Variants in IFT80 observed in about 807,000 individuals in gnomAD.
IFT80 encodes the protein intraflagellar transport 80, also known as intraflagellar transport protein 80 homolog.
IFT80 carries 79 observed loss-of-function variants against 107.9 expected under a neutral mutation model. The ratio of observed to expected loss-of-function variants is 0.73; its 90% CI spans 0.61 to 0.88. IFT80 has a LOEUF of 0.88. IFT80 is among the 40% of genes least tolerant of loss of function. The pLI is 0.00. For synonymous variants in IFT80, 299 were observed against 300.9 expected (o/e 0.99, Z 0.07); for missense variants, 797 against 914.2 (o/e 0.87, Z 1.65).
At chr3:160,383,918 T>G in intron 2 of IFT80, 3 of 985,370 alleles carry the variant, frequency 3.0e-6, no homozygotes, top group Non-Finnish European at 3.6e-6. Flanking sequence ...ACATGCTAGA[T>G]CACACTAGCA....
chr3:160,310,839 A>T (rs1717187327), intron 9 of IFT80, among the ~76,000 whole-genome samples: 1 of 152,198 alleles, frequency 6.6e-6, no homozygotes, highest in Non-Finnish European at 1.5e-5. Context: ...AAATGAACAT[A>T]TTAATTGTAA....
chr3:160,375,841 C>A lies in IFT80; in HGVS notation c.410G>T (p.Gly137Val). Residue 137 changes from glycine (G) to valine (V), a missense_variant, in exon 5 of 20, where the codon GGG (glycine) becomes GTG (valine). Coordinates refer to ENST00000326448, the MANE Select transcript of IFT80 (RefSeq NM_020800.3). ...DGQIKIWSKT[G>V]MLRSTLAQQG... The stretch of plus-strand genomic sequence containing the variant: ...CTGAGCTAAAGTTGATCTAAGCATC[C>A]CAGTCTTTGACCAAATTTTTATTTG... 2 of 1,611,926 alleles carry A rather than the reference C, an allele frequency of 1.2e-6. No homozygotes were observed. The highest frequency in any genetic ancestry group is 1.7e-6 in the Non-Finnish European group (2 of 1,178,646).
chr3:160,327,963 A>G (rs928318872), intron 8 of IFT80, among the ~76,000 whole-genome samples: 2 of 152,234 alleles, frequency 1.3e-5, no homozygotes, highest in Non-Finnish European at 2.9e-5. Context: ...AATATACAGC[A>G]TCTATTAGGA....
chr3:160,272,737 T>C lies in IFT80; in HGVS notation c.2100-4201A>G, dbSNP rs77683841. ...GGCTTTCCCCTCAATGTCTAGGATC[T>C]CTCATGAACATTAAACTTGTATATC... On this transcript the variant is annotated intron_variant, in intron 18 of 19. Transcript: ENST00000326448. Among the ~76,000 whole-genome samples, 879 of 152,280 alleles carry C rather than the reference T, an allele frequency of 5.8e-3. 13 individuals carry two copies. Among genetic ancestry groups the C allele is most frequent in the Middle Eastern group, 0.017 (5 of 294 alleles).
intron 8 of IFT80, chr3:160,320,163 A>C: frequency 4.3e-6 from 2 of 464,706 alleles, no homozygotes; most frequent in East Asian, 3.5e-5. Context: ...GAAATATCTC[A>C]AGAACTGTAA....
At chr3:160,345,782 A>C (rs1245910134) in intron 8 of IFT80, among the ~76,000 whole-genome samples, 1 of 151,886 alleles carries the variant, frequency 6.6e-6, no homozygotes, top group African/African-American at 2.4e-5. Context: ...GGGAATAGTT[A>C]ATAGGTATTT....
At chr3:160,319,045 T>C (rs1307963259) in intron 9 of IFT80, among the ~76,000 whole-genome samples, 1 of 152,076 alleles carries the variant, frequency 6.6e-6, no homozygotes, top group African/African-American at 2.4e-5. Flanking sequence ...TTTTGCCCTA[T>C]TGTGTATCGC....
intron 6 of IFT80, among the ~76,000 whole-genome samples, chr3:160,358,371 T>G (rs1326656963): frequency 6.6e-6 from 1 of 151,992 alleles, no homozygotes; most frequent in Non-Finnish European, 1.5e-5. Flanking sequence ...CCTCTTCATT[T>G]CATTCTGTTC....
At chr3:160,375,774 T>C in intron 5 of IFT80, 38 bp downstream of exon 5, 1 of 1,423,722 alleles carries the variant, frequency 7.0e-7, no homozygotes, top group Non-Finnish European at 9.9e-7. Context: ...TTGTATTGTA[T>C]AATTTGCAAA....
chr3:160,295,385 G>A (rs866585847), intron 12 of IFT80, among the ~76,000 whole-genome samples: 4 of 152,178 alleles, frequency 2.6e-5, no homozygotes, highest in Middle Eastern at 3.4e-3. Flanking sequence ...TGGGAGGATC[G>A]CTTAAACTCA....
Position 160,267,737 on chromosome 3 carries a change from T to C in IFT80, c.2223+676A>G, listed in dbSNP as rs75408247. 7.5e-3 allele frequency among the ~76,000 whole-genome samples: 1,140 copies of C among 152,316 alleles called. 20 individuals are homozygous for C. Among genetic ancestry groups the C allele is most frequent in the African/African-American group, 0.026 (1,092 of 41,560 alleles). ...GGAATGACTTCCTTCTTTTTATTTTTATTTGTTTATTTAGAGGTGGGGTCT... is the reference window on the plus strand; with the variant it reads ...GGAATGACTTCCTTCTTTTTATTTTCATTTGTTTATTTAGAGGTGGGGTCT... On this transcript the variant is annotated intron_variant, in intron 19 of 19. Transcript: ENST00000326448.
chr3:160,293,566 G>A (rs1715739779), intron 12 of IFT80, among the ~76,000 whole-genome samples: 1 of 152,134 alleles, frequency 6.6e-6, no homozygotes, highest in African/African-American at 2.4e-5. Flanking sequence ...TAGGCCAGGG[G>A]GTGGTCTGTA....
chr3:160,313,980 T>A (rs1358039486), intron 9 of IFT80, among the ~76,000 whole-genome samples: 1 of 152,168 alleles, frequency 6.6e-6, no homozygotes, highest in Non-Finnish European at 1.5e-5. Context: ...TTTCCTGATA[T>A]TCGCATCACC....
intron 8 of IFT80, among the ~76,000 whole-genome samples, chr3:160,328,702 T>C (rs918232300): frequency 2.0e-5 from 3 of 151,936 alleles, no homozygotes; most frequent in African/African-American, 7.3e-5. Flanking sequence ...TATATGTTCA[T>C]TACAGTACAA....
At chr3:160,383,976 G>A in intron 2 of IFT80, 2 of 984,102 alleles carry the variant, frequency 2.0e-6, no homozygotes, top group Non-Finnish European at 2.4e-6. Context: ...CAGGCGCGGT[G>A]GCTCATGCCT....
At chr3:160,389,502 C>A (rs62272205) in intron 1 of IFT80, among the ~76,000 whole-genome samples, 5,272 of 126,022 alleles carry the variant, frequency 0.042, 149 homozygotes, top group Middle Eastern at 0.085. Flanking sequence ...CACAACAGTC[C>A]CCAGAGTGTG....
chr3:160,287,935 T>C (rs1715218588), intron 12 of IFT80, among the ~76,000 whole-genome samples: 1 of 152,126 alleles, frequency 6.6e-6, no homozygotes, highest in Admixed American at 6.6e-5. Flanking sequence ...GAAAAAGTTA[T>C]GCTGAAACAA....
In IFT80 at chr3:160,284,854, A is replaced by C. The variant is rs115537248; in HGVS notation, c.1380+950T>G. 7.0e-3 allele frequency among the ~76,000 whole-genome samples: 1,064 copies of C among 152,300 alleles called. 11 individuals are homozygous for C. Among genetic ancestry groups the C allele is most frequent in the African/African-American group, 0.024 (996 of 41,558 alleles). ...ACATTTTTGTAAAGGGGAGGAAGAGAACATATATCAGTTTTGTTGATACAT... is the reference window on the plus strand; with the variant it reads ...ACATTTTTGTAAAGGGGAGGAAGAGCACATATATCAGTTTTGTTGATACAT... On this transcript the variant is annotated intron_variant, in intron 13 of 19. Coordinates refer to ENST00000326448, the MANE Select transcript of IFT80 (RefSeq NM_020800.3).
At chr3:160,346,746 A>G (rs1178490528) in intron 8 of IFT80, among the ~76,000 whole-genome samples, 2 of 152,050 alleles carry the variant, frequency 1.3e-5, no homozygotes, top group East Asian at 3.9e-4. Context: ...AAAGAAAGAA[A>G]AAAAATACTC....
Sources: gnomAD v4.1 joint callset for allele counts (sites outside exome capture counted in the v4.1 genomes callset) on GRCh38, gnomAD v4.1.1 for gene constraint, MANE v1.5 for transcripts, NCBI Gene and HGNC (gene_info 2026-07-23, HGNC 2026-07-21) for gene names.